The following HHAT variants were observed in gnomAD, a reference collection of about 807,000 sequenced individuals.
The protein encoded by HHAT is hedgehog acyltransferase, also known as protein-cysteine N-palmitoyltransferase HHAT.
Under a neutral mutation model 70.8 loss-of-function variants are expected in HHAT, and 47 were observed. The ratio of observed to expected loss-of-function variants is 0.66; its 90% CI spans 0.53 to 0.85. The LOEUF (loss-of-function observed/expected upper bound fraction) is 0.85, where lower values mean the gene tolerates loss of function less well. Among genes scored for constraint, HHAT ranks in the 40% least tolerant of loss-of-function variants. HHAT has a pLI of 0.00. For missense variants in HHAT, 609 were observed against 604.8 expected (o/e 1.01, Z -0.07); for synonymous variants, 228 against 247.6 (o/e 0.92, Z 0.74).
intron 9 of HHAT, among the ~76,000 whole-genome samples, chr1:210,585,860 T>A (rs1183330406): frequency 6.6e-6 from 1 of 152,184 alleles, no homozygotes; most frequent in Admixed American, 6.5e-5. Flanking sequence ...GGATTCCTCC[T>A]GAAGGCAGCC....
At chr1:210,367,729 C>A (rs1007226511) in intron 3 of HHAT, among the ~76,000 whole-genome samples, 2 of 152,158 alleles carry the variant, frequency 1.3e-5, no homozygotes, top group African/African-American at 2.4e-5. Context: ...ATCAAGAATG[C>A]TTTTGATCTT....
chr1:210,416,091 T>C (rs1461852583), intron 6 of HHAT, among the ~76,000 whole-genome samples: 1 of 152,212 alleles, frequency 6.6e-6, no homozygotes, highest in Non-Finnish European at 1.5e-5. Context: ...TTAGCCTGGC[T>C]TCTTGTTGCG....
chr1:210,365,312 T>TTTTG (rs2088813491), intron 3 of HHAT, among the ~76,000 whole-genome samples: 1 of 114,182 alleles, frequency 8.8e-6, no homozygotes, highest in Non-Finnish European at 1.9e-5. Flanking sequence ...GCTGACAGTT[T>TTTTG]TTTTTTTTTT....
chr1:210,596,679 G>A (rs1157985098), intron 10 of HHAT, among the ~76,000 whole-genome samples: 1 of 151,956 alleles, frequency 6.6e-6, no homozygotes, highest in Non-Finnish European at 1.5e-5. Flanking sequence ...AATTATTTCA[G>A]TGTCTGTTAA....
intron 4 of HHAT, among the ~76,000 whole-genome samples, chr1:210,390,595 A>G (rs1349015803): frequency 6.6e-6 from 1 of 152,126 alleles, no homozygotes; most frequent in Non-Finnish European, 1.5e-5. Context: ...ATTTTAGTGT[A>G]CCTGTCACCC....
At chr1:210,625,008 G>T (rs1303257657) in intron 11 of HHAT, among the ~76,000 whole-genome samples, 1 of 152,222 alleles carries the variant, frequency 6.6e-6, no homozygotes, top group Non-Finnish European at 1.5e-5. Context: ...CAACACAGCT[G>T]CAGTATTCCA....
chr1:210,562,799 T>TC (rs1447902222), intron 9 of HHAT, among the ~76,000 whole-genome samples: 1 of 84,904 alleles, frequency 1.2e-5, no homozygotes, highest in South Asian at 6.0e-4. Flanking sequence ...ATGCTATCCC[T>TC]CCCCCCTCCC....
chr1:210,340,750 T>G (rs567080771), intron 1 of HHAT, among the ~76,000 whole-genome samples: 1 of 152,216 alleles, frequency 6.6e-6, no homozygotes, highest in Non-Finnish European at 1.5e-5. Context: ...GCATAACGTT[T>G]AAAAATTCTA....
chr1:210,638,136 T>C (rs1441230479), intron 11 of HHAT, among the ~76,000 whole-genome samples: 6 of 152,174 alleles, frequency 3.9e-5, no homozygotes, highest in Admixed American at 3.9e-4. Context: ...GTCTGGTAGT[T>C]TCTTAAAAAG....
chr1:210,564,909 G>A (rs1362411479), intron 9 of HHAT, among the ~76,000 whole-genome samples: 1 of 152,082 alleles, frequency 6.6e-6, no homozygotes, highest in East Asian at 1.9e-4. Flanking sequence ...GCTCTTTCAA[G>A]GACCTTAAAT....
intron 9 of HHAT, among the ~76,000 whole-genome samples, chr1:210,580,712 A>G (rs191760755): frequency 1.7e-3 from 253 of 151,940 alleles, no homozygotes; most frequent in African/African-American, 6.0e-3. Flanking sequence ...CATTTTCTTC[A>G]TCCAGTCTAT....
intron 1 of HHAT, among the ~76,000 whole-genome samples, chr1:210,334,922 C>A (rs1480435682): frequency 6.6e-6 from 1 of 151,996 alleles, no homozygotes; most frequent in Non-Finnish European, 1.5e-5. Context: ...CCTATATCTA[C>A]CAAAAACATT....
chr1:210,570,120 T>A (rs755670936), intron 9 of HHAT, among the ~76,000 whole-genome samples: 1 of 152,236 alleles, frequency 6.6e-6, no homozygotes, highest in Non-Finnish European at 1.5e-5. Context: ...CATTAGAGTT[T>A]ATGTGCTTTG....
chr1:210,660,852 G>T (rs1677540363), intron 11 of HHAT, among the ~76,000 whole-genome samples: 1 of 152,118 alleles, frequency 6.6e-6, no homozygotes, highest in South Asian at 2.1e-4. Flanking sequence ...TGGGAAAACT[G>T]GCCAGCCATA....
At chr1:210,561,810 C>T (rs901524093) in intron 9 of HHAT, among the ~76,000 whole-genome samples, 2 of 152,192 alleles carry the variant, frequency 1.3e-5, no homozygotes, top group South Asian at 2.1e-4. Flanking sequence ...ATCAATTCTT[C>T]TGGCTGTCAC....
At chr1:210,588,487 C>T (rs4500318) in intron 10 of HHAT, 155,497 of 163,896 alleles carry the variant, frequency 0.95, 74,242 homozygotes, top group East Asian at 1. Flanking sequence ...ATCGGGACCA[C>T]CTTTTTAAGT....
Position 210,576,537 on chromosome 1 carries a change from G to A in HHAT, c.1044-11361G>A, listed in dbSNP as rs565536602. On this transcript the variant is annotated intron_variant, in intron 9 of 11. Coordinates refer to ENST00000261458, the MANE Select transcript of HHAT (RefSeq NM_018194.6). ...GTTGTGGGGTCGGGGGAGGGGGGAG[G>A]GATAGCATTAGGAGATATACCTAAT... 1.0e-3 allele frequency among the ~76,000 whole-genome samples: 132 copies of A among 128,650 alleles called. 1 individual carries two copies. In the South Asian group the frequency reaches 0.023, roughly 23 times the overall value. 84.4% of individuals were successfully genotyped at this position (128,650 alleles called of 152,430 possible).
Position 210,368,343 on chromosome 1 carries a change from G to A in HHAT, c.159+5424G>A, listed in dbSNP as rs1361889133. Reference sequence around the variant, plus strand: ...ATGTATTTTTTTGAGACAGGCTGAAGTACAGTGGCATGATCTTGGCTCACC... The same window carrying A: ...ATGTATTTTTTTGAGACAGGCTGAAATACAGTGGCATGATCTTGGCTCACC... On this transcript the variant is annotated intron_variant, in intron 3 of 11. Transcript: ENST00000261458. Among the ~76,000 whole-genome samples the A allele has an allele frequency of 3.9e-5, 6 of 152,162 alleles. No individual in the cohort carries two copies. The East Asian group carries it at 9.6e-4, about 24-fold the overall frequency.
chr1:210,543,743 C>G (rs2095454294), intron 9 of HHAT, among the ~76,000 whole-genome samples: 1 of 152,168 alleles, frequency 6.6e-6, no homozygotes, highest in Non-Finnish European at 1.5e-5. Flanking sequence ...TGCCTACATT[C>G]TTTTGCCTCT....
Sources: allele counts gnomAD v4.1 joint callset (sites outside exome capture counted in the v4.1 genomes callset), GRCh38; gene constraint gnomAD v4.1.1; transcripts MANE v1.5; gene names NCBI Gene and HGNC (gene_info 2026-07-23, HGNC 2026-07-21).